ZNF862: variants seen among roughly 807,000 people sequenced by gnomAD.
ZNF862 encodes zinc finger protein 862.
Under a neutral mutation model 91.1 loss-of-function variants are expected in ZNF862, and 64 were observed. That is an observed-to-expected ratio of 0.70 (90% CI 0.57 to 0.87). ZNF862 has a LOEUF of 0.87. ZNF862 is among the 40% of genes least tolerant of loss of function. The pLI is 0.00. For missense variants in ZNF862, 1,459 were observed against 1,528.0 expected, an observed-to-expected ratio of 0.95 and a Z score of 0.75; for synonymous variants, 631 against 618.1, an observed-to-expected ratio of 1.02 and a Z score of -0.31.
intron 7 of ZNF862, among the ~76,000 whole-genome samples, chr7:149,862,750 G>A (rs2074702): frequency 0.47 from 71,869 of 152,152 alleles, 18,140 homozygotes; most frequent in Non-Finnish European, 0.58. Flanking sequence ...TGACAGTGCT[G>A]TGCTGGCTCT....
intron 1 of ZNF862, chr7:149,841,138 G>T: frequency 1.0e-6 from 1 of 985,472 alleles, no homozygotes. Flanking sequence ...AACTGTCAGT[G>T]TAAGATGTGT....
chr7:149,862,621 C>T (rs1377715590), intron 7 of ZNF862, 127 bp downstream of exon 7: 11 of 1,036,180 alleles, frequency 1.1e-5, no homozygotes, highest in South Asian at 5.0e-5. Context: ...AGTGGGTACT[C>T]GATGCGTGAC....
At chr7:149,844,338 C>T (rs77221088) in intron 1 of ZNF862, among the ~76,000 whole-genome samples, 3,731 of 152,252 alleles carry the variant, frequency 0.025, 156 homozygotes, top group African/African-American at 0.086. Flanking sequence ...TGAGAAGAAA[C>T]GGGCGTGTGG....
Position 149,862,282 on chromosome 7 carries a change from G to C in ZNF862, c.3122G>C (p.Arg1041Pro). ...CCCATCTCCACCTCTTGCTGTGAGC[G>C]GGGGTTCAAGGCCATGAACCGAATC... ...CVPISTSCCERGFKAMNRIRT... is the reference protein window; with the variant it reads ...CVPISTSCCEPGFKAMNRIRT... Residue 1041 changes from arginine (R) to proline (P), a missense_variant, in exon 7 of 8, where the codon CGG becomes CCG. Transcript: ENST00000223210. 1 of 1,613,556 alleles carries C rather than the reference G, an allele frequency of 6.2e-7. No homozygotes were observed. Among genetic ancestry groups the C allele is most frequent in the Non-Finnish European group, 8.5e-7 (1 of 1,179,788 alleles).
At position 149,859,468 on chromosome 7, in the gene ZNF862, G is replaced by A. The variant is rs1228455053; in HGVS notation, c.1164G>A (p.Arg388=). The A allele has an allele frequency of 1.3e-6, 2 of 1,589,298 alleles. No homozygotes were observed. The highest frequency in any genetic ancestry group is 1.2e-5 in the South Asian group (1 of 86,806). Reference sequence around the variant, plus strand: ...ACTTGATCTCCAAACTGGAGCGGAGGGCTGCACCCTGGATCAAGGACCCAA... The same window carrying A: ...ACTTGATCTCCAAACTGGAGCGGAGAGCTGCACCCTGGATCAAGGACCCAA... ...KPDLISKLER[R]AAPWIKDPNG... The change falls in exon 6 of 8, where the codon AGG becomes AGA. Residue 388 remains arginine (R), a synonymous_variant. Transcript: ENST00000223210.
rs1563118709 is a variant in ZNF862, at chr7:149,848,231, G to A, written c.738G>A (p.Gly246=). The change falls in exon 4 of 8, where the codon GGG becomes GGA. Residue 246 remains glycine, a synonymous_variant. Transcript: ENST00000223210. ...TADCPIFYPP[G]PLGGFDSMAE... is the part of the protein sequence containing the mutation. ...ATTGCCCCATATTCTACCCCCCAGGGCCTCTGGGAGGATTTGATAGCATGG... is the reference window on the plus strand; with the variant it reads ...ATTGCCCCATATTCTACCCCCCAGGACCTCTGGGAGGATTTGATAGCATGG... 2.5e-6 allele frequency: 4 copies of A among 1,613,734 alleles called. No homozygotes were observed. Among genetic ancestry groups the A allele is most frequent in the Non-Finnish European group, 3.4e-6 (4 of 1,179,776 alleles).
At chr7:149,843,596 A>G (rs1369881956) in intron 1 of ZNF862, among the ~76,000 whole-genome samples, 1 of 151,990 alleles carries the variant, frequency 6.6e-6, no homozygotes, top group Non-Finnish European at 1.5e-5. Context: ...TTTGGTCTCT[A>G]TAGTCCCTGT....
rs1188495883 is a variant in ZNF862, at chr7:149,864,608, T to A, written c.*324T>A. 1 of 260,112 alleles carries A rather than the reference T, an allele frequency of 3.8e-6. No individual in the cohort carries two copies. The highest frequency in any genetic ancestry group is 2.2e-5 in the African/African-American group (1 of 45,436). The allele number at this position is 260,112 out of a possible 1,614,324, so 16.1% of individuals were successfully genotyped here. ...AGTTTTGGTGGCAAGAGGAGTGTCC[T>A]GGTAGGGGAGACTGTTGGACATCCC... On this transcript the variant is annotated 3_prime_UTR_variant, in exon 8 of 8. Coordinates refer to ENST00000223210, the MANE Select transcript of ZNF862 (RefSeq NM_001099220.3).
intron 6 of ZNF862, 72 bp from the exon 7 acceptor site, chr7:149,860,311 G>A (rs920046413): frequency 7.4e-7 from 1 of 1,356,100 alleles, no homozygotes; most frequent in Non-Finnish European, 1.0e-6. Context: ...TTAAATTTGG[G>A]GGTGTCTTAG....
chr7:149,838,394 G>C lies in ZNF862; in HGVS notation c.-218G>C, dbSNP rs1801590634. The stretch of plus-strand genomic sequence containing the variant: ...CTGGGCAGTGACCGTAAAGCTGTTC[G>C]CTCGGTGCGACGCAAGTCTCAGCTC... On this transcript the variant is annotated 5_prime_UTR_variant, in exon 1 of 8. Transcript: ENST00000223210. 5.1e-6 allele frequency: 2 copies of C among 395,868 alleles called. No homozygotes were observed. The highest frequency in any genetic ancestry group is 4.4e-6 in the Non-Finnish European group (1 of 225,010). The allele number at this position is 395,868 out of a possible 1,614,324, so 24.5% of individuals were successfully genotyped here.
chr7:149,842,892 C>G (rs1244953246), intron 1 of ZNF862, among the ~76,000 whole-genome samples: 1 of 152,180 alleles, frequency 6.6e-6, no homozygotes, highest in African/African-American at 2.4e-5. Context: ...TGGAGCTTGT[C>G]TTCCAATCGG....
At position 149,842,132 on chromosome 7, in the gene ZNF862, C is replaced by T. The variant is rs149479978; in HGVS notation, c.25-2493C>T. Among the ~76,000 whole-genome samples the T allele has an allele frequency of 3.0e-3, 451 of 152,134 alleles. 5 individuals carry two copies. Among genetic ancestry groups the T allele is most frequent in the Admixed American group, 0.01 (159 of 15,290 alleles). ...TTAGGAAATCCTTCCTGAAAGAGAA[C>T]GTGAATCGCGACTTTATGGGTGGGT... is the stretch of plus-strand genomic sequence containing the variant. On this transcript the variant is annotated intron_variant, in intron 1 of 7. Transcript: ENST00000223210.
At chr7:149,853,035 G>T in intron 5 of ZNF862, among the ~76,000 whole-genome samples, 1 of 152,222 alleles carries the variant, frequency 6.6e-6, no homozygotes, top group African/African-American at 2.4e-5. Flanking sequence ...GCCTCCAAGT[G>T]GGGGCAGCCG....
chr7:149,850,550 C>G lies in ZNF862; in HGVS notation c.1117+212C>G. The stretch of plus-strand genomic sequence containing the variant: ...ACCCACCTGTTCATCCATTCGTCCC[C>G]CACCAAACATTTTGGAGTACCTACT... On this transcript the variant is annotated intron_variant, in intron 5 of 7. Transcript: ENST00000223210. This position sits in a 1 kb window ranked among gnomAD's most constrained non-coding sequence, Gnocchi z 4.2. 1 of 545,724 alleles carries G rather than the reference C, an allele frequency of 1.8e-6. No homozygotes were observed. The highest frequency in any genetic ancestry group is 3.3e-5 in the Admixed American group (1 of 29,956). 33.8% of individuals were successfully genotyped at this position (545,724 alleles called of 1,614,324 possible).
Position 149,861,895 on chromosome 7 carries a change from T to TAGCGGAACAGCGGTTCCA in ZNF862, c.2736_2753dup (p.Glu914_Ala919dup). The stretch of plus-strand genomic sequence containing the variant: ...GGCATCTGCTTGGACAAACTGGAGG[T>TAGCGGAACAGCGGTTCCA]AGCGGAACAGCGGTTCCAGGCGGAT... On this transcript the variant is annotated inframe_insertion, in exon 7 of 8. Transcript: ENST00000223210. This position sits in a 1 kb window ranked among gnomAD's most constrained non-coding sequence, Gnocchi z 6.7. The TAGCGGAACAGCGGTTCCA allele has an allele frequency of 6.2e-7, 1 of 1,613,536 alleles. No homozygotes were observed. Among genetic ancestry groups the TAGCGGAACAGCGGTTCCA allele is most frequent in the Non-Finnish European group, 8.5e-7 (1 of 1,179,848 alleles).
intron 5 of ZNF862, chr7:149,852,768 G>A (rs1802109703): frequency 8.7e-6 from 1 of 114,962 alleles, no homozygotes; most frequent in Non-Finnish European, 1.9e-5. Context: ...AATGGAAATA[G>A]ACAGGCCAAC....
chr7:149,850,026 A>T lies in ZNF862; in HGVS notation c.940-135A>T. On this transcript the variant is annotated intron_variant, in intron 4 of 7. Transcript: ENST00000223210. This position sits in a 1 kb window ranked among gnomAD's most constrained non-coding sequence, Gnocchi z 4.2. Reference sequence around the variant, plus strand: ...TTGATTCTTTGACTTTCAGTGGATAAATTAATTCCTCTGAGTGCATCTGGG... The same window carrying T: ...TTGATTCTTTGACTTTCAGTGGATATATTAATTCCTCTGAGTGCATCTGGG... 2.3e-6 allele frequency: 2 copies of T among 876,572 alleles called. No individual in the cohort carries two copies. The highest frequency in any genetic ancestry group is 3.5e-6 in the Non-Finnish European group (2 of 570,018). 54.3% of individuals were successfully genotyped at this position (876,572 alleles called of 1,614,324 possible).
At position 149,860,812 on chromosome 7, in the gene ZNF862, T is replaced by C. The variant is rs373588461; in HGVS notation, c.1652T>C (p.Leu551Pro). The C allele has an allele frequency of 1.2e-6, 2 of 1,613,690 alleles. No individual in the cohort carries two copies. The highest frequency in any genetic ancestry group is 1.7e-6 in the Non-Finnish European group (2 of 1,179,894). ...TALVPEISSDLMANMEHFFNA... is the reference protein window; with the variant it reads ...TALVPEISSDPMANMEHFFNA... ...CTCGTTCCAGAGATCTCCAGCGACC[T>C]CATGGCCAACATGGAGCACTTTTTC... The change falls in exon 7 of 8, where the codon CTC becomes CCC. Residue 551 changes from leucine to proline, a missense_variant. Coordinates refer to ENST00000223210, the MANE Select transcript of ZNF862 (RefSeq NM_001099220.3).
rs1212089115 is a variant in ZNF862 at position 149,848,408 on chromosome 7, T to C, written c.915T>C (p.Asn305=). The C allele has an allele frequency of 1.9e-6, 3 of 1,566,390 alleles. No homozygotes were observed. The highest frequency in any genetic ancestry group is 1.2e-5 in the South Asian group (1 of 83,604). The part of the protein sequence containing the change: ...HSSSDINILY[N]DAVESCIQDP... ...CCTCAGACATTAATATTTTATATAA[T>C]GATGCAGTAGAATCCTGCATTCAGG... The change falls in exon 4 of 8, where the codon AAT becomes AAC. Residue 305 remains asparagine, a synonymous_variant. Transcript: ENST00000223210.
Sources: allele counts gnomAD v4.1 joint callset (sites outside exome capture counted in the v4.1 genomes callset), GRCh38; gene constraint gnomAD v4.1.1; non-coding constraint Gnocchi (gnomAD v3.1); transcripts MANE v1.5; gene names NCBI Gene and HGNC (gene_info 2026-07-23, HGNC 2026-07-21).